The following CYP27C1 variants were observed in gnomAD, a reference collection of about 807,000 sequenced individuals.
CYP27C1 encodes cytochrome P450 27C1.
Under a neutral mutation model 40.6 loss-of-function variants are expected in CYP27C1, and 29 were observed. The observed-to-expected ratio is 0.71, with a 90% CI of 0.53 to 0.97. CYP27C1 has a LOEUF of 0.97. Ranked by LOEUF, CYP27C1 falls within the 50% of genes least tolerant of loss-of-function variation. CYP27C1 has a pLI of 0.00. For synonymous variants in CYP27C1, 198 were observed against 186.8 expected (o/e 1.06, Z -0.49); for missense variants, 390 against 485.8 (o/e 0.80, Z 1.85).
rs138682404 is a variant in CYP27C1, at chr2:127,193,795, C to T, written c.1287G>A (p.Pro429=). The change falls in exon 7 of 9, where the codon CCG becomes CCA. Residue 429 remains proline, a synonymous_variant. Coordinates refer to ENST00000664447, the MANE Select transcript of CYP27C1 (RefSeq NM_001367502.1). ...EDLVIGGYLI[P]KGTQLALCHY... is the part of the protein sequence containing the mutation. ...CCCATGGCCCCAAACTCACGCCTTT[C>T]GGAATCAGATACCCGCCAATAACCA... 5.4e-3 allele frequency: 8,641 copies of T among 1,614,174 alleles called. 28 individuals carry two copies. Among genetic ancestry groups the T allele is most frequent in the Non-Finnish European group, 6.4e-3 (7,605 of 1,180,036 alleles).
intron 1 of CYP27C1, among the ~76,000 whole-genome samples, chr2:127,210,087 A>G (rs1489620095): frequency 2.6e-5 from 4 of 152,208 alleles, no homozygotes; most frequent in African/African-American, 9.7e-5. Context: ...GGTTGAAATG[A>G]AGGAAAAACT....
chr2:127,187,254 A>T lies in CYP27C1; in HGVS notation c.*17T>A. ...GCGAGCTGGTCTGCTACATCAGCCC[A>T]GGTTTAAAATCTAGGCTTACTTTCT... is the stretch of plus-strand genomic sequence containing the variant. On this transcript the variant is annotated 3_prime_UTR_variant, in exon 9 of 9. Coordinates refer to ENST00000664447, the MANE Select transcript of CYP27C1 (RefSeq NM_001367502.1). The T allele has an allele frequency of 1.2e-6, 2 of 1,604,188 alleles. No homozygotes were observed. Among genetic ancestry groups the T allele is most frequent in the Non-Finnish European group, 1.7e-6 (2 of 1,171,038 alleles).
At chr2:127,202,935 A>G (rs563594562) in intron 3 of CYP27C1, among the ~76,000 whole-genome samples, 26 of 151,998 alleles carry the variant, frequency 1.7e-4, no homozygotes, top group African/African-American at 4.3e-4. Context: ...TTGGGAGGCC[A>G]AGGCGGGCGA....
chr2:127,203,568 C>T lies in CYP27C1; in HGVS notation c.477G>A (p.Glu159=), dbSNP rs776397413. The change falls in exon 3 of 9, where the codon GAG becomes GAA. Residue 159 remains glutamate (E), a synonymous_variant. Transcript: ENST00000664447. ...RGRATGLISA[E]GEQWLKMRSV... ...TTCTCATCTTGAGCCACTGTTCACCCTCCCTAGAAGAATCAAGTGAGTTTC... is the reference window on the plus strand; with the variant it reads ...TTCTCATCTTGAGCCACTGTTCACCTTCCCTAGAAGAATCAAGTGAGTTTC... 1.2e-6 allele frequency: 2 copies of T among 1,613,030 alleles called. No homozygotes were observed. Among genetic ancestry groups the T allele is most frequent in the Admixed American group, 1.7e-5 (1 of 59,798 alleles).
In CYP27C1 at chr2:127,205,991, G is replaced by A. The variant is rs539067847; in HGVS notation, c.382C>T (p.Arg128Trp). ...ADRDMVAQVL[R>W]AEGAAPQRAN... The stretch of plus-strand genomic sequence containing the variant: ...CTCTGGGGCGCAGCGCCCTCCGCCC[G>A]GAGCACCTGAGCCACCATATCGCGG... Residue 128 changes from arginine (R) to tryptophan (W), a missense_variant, in exon 2 of 9, where the codon CGG becomes TGG. Coordinates refer to ENST00000664447, the MANE Select transcript of CYP27C1 (RefSeq NM_001367502.1). 1.3e-5 allele frequency among the ~76,000 whole-genome samples: 2 copies of A among 152,338 alleles called. No individual in the cohort carries two copies. Among genetic ancestry groups the A allele is most frequent in the South Asian group, 4.1e-4 (2 of 4,830 alleles).
rs147953391 is a variant in CYP27C1 at position 127,195,431 on chromosome 2, C to A, written c.1118G>T (p.Arg373Leu). The A allele has an allele frequency of 1.1e-5, 18 of 1,614,138 alleles. No homozygotes were observed. The Middle Eastern group carries it at 6.6e-4, about 59-fold the overall frequency. Residue 373 changes from arginine to leucine, a missense_variant, in exon 6 of 9, where the codon CGG becomes CTG. Physicochemically the swap from Arg to Leu is moderately radical, Grantham distance 102. Transcript: ENST00000664447. This position sits in a 1 kb window ranked among gnomAD's most constrained non-coding sequence, Gnocchi z 6.2. Reference sequence around the variant, plus strand: ...TTCCCCTAAATTCTTCACAATCTCCCGGTACACCGTCTGCTGCACTTCTGG... The same window carrying A: ...TTCCCCTAAATTCTTCACAATCTCCAGGTACACCGTCTGCTGCACTTCTGG... ...RHPEVQQTVYREIVKNLGERH... is the reference protein window; with the variant it reads ...RHPEVQQTVYLEIVKNLGERH...
chr2:127,205,587 T>C, intron 2 of CYP27C1: 1 of 740,288 alleles, frequency 1.4e-6, no homozygotes, highest in Non-Finnish European at 1.6e-6. Flanking sequence ...CGCTGTGAGT[T>C]TTGTCTGCCT....
At chr2:127,217,327 C>G (rs1005809367) in intron 1 of CYP27C1, among the ~76,000 whole-genome samples, 2 of 152,126 alleles carry the variant, frequency 1.3e-5, no homozygotes, top group Non-Finnish European at 2.9e-5. Context: ...AGTTTCCTCA[C>G]CCAAAAAATG....
chr2:127,217,212 A>G (rs1287482256), intron 1 of CYP27C1, among the ~76,000 whole-genome samples: 2 of 152,210 alleles, frequency 1.3e-5, no homozygotes, highest in Admixed American at 6.5e-5. Flanking sequence ...CAGGCACAGT[A>G]CTTAGAGTTT....
At position 127,218,013 on chromosome 2, in the gene CYP27C1, C is replaced by T. The variant is rs1276832060; in HGVS notation, c.282+1976G>A. On this transcript the variant is annotated intron_variant, in intron 1 of 8. Transcript: ENST00000664447. This position sits in a 1 kb window ranked among gnomAD's most constrained non-coding sequence, Gnocchi z 6.0. ...CTTTTTCCTTTATTTCTTTTACTCT[C>T]CAGGTCCTGTGTGCGCTTGGTGAGA... 6.6e-6 allele frequency among the ~76,000 whole-genome samples: 1 copy of T among 152,136 alleles called. No homozygotes were observed. Among genetic ancestry groups the T allele is most frequent in the African/African-American group, 2.4e-5 (1 of 41,432 alleles).
chr2:127,189,322 G>A lies in CYP27C1; in HGVS notation c.1498-1935C>T, dbSNP rs537872507. On this transcript the variant is annotated intron_variant, in intron 8 of 8. Transcript: ENST00000664447. The stretch of plus-strand genomic sequence containing the variant: ...AAAGCTGTCCCTTTCCTTCCCAGTA[G>A]CCTTCAGGCATGTTCCTGTACTGTT... 1.2e-4 allele frequency among the ~76,000 whole-genome samples: 19 copies of A among 152,120 alleles called. 1 individual carries two copies. Among genetic ancestry groups the A allele is most frequent in the African/African-American group, 4.6e-4 (19 of 41,488 alleles).
At chr2:127,191,859 C>T (rs922716214) in intron 8 of CYP27C1, among the ~76,000 whole-genome samples, 1 of 152,224 alleles carries the variant, frequency 6.6e-6, no homozygotes, top group African/African-American at 2.4e-5. Context: ...GGGATGGCCA[C>T]TTGGTCCCAC....
chr2:127,206,660 G>A (rs1683234982), intron 1 of CYP27C1, among the ~76,000 whole-genome samples: 1 of 152,158 alleles, frequency 6.6e-6, no homozygotes, highest in Non-Finnish European at 1.5e-5. Flanking sequence ...AGCAACAAGA[G>A]AGAAATGTCA....
rs1464943339 is a variant in CYP27C1, at chr2:127,195,876, C to G, written c.1048-375G>C. ...TGTGTGACCTTCTTTGCAGGGCTTG[C>G]TCGGTGTGTGCCAGAAAGGGCCTCA... On this transcript the variant is annotated intron_variant, in intron 5 of 8. Coordinates refer to ENST00000664447, the MANE Select transcript of CYP27C1 (RefSeq NM_001367502.1). The surrounding 1 kb of genome is among the most constrained non-coding windows in gnomAD (Gnocchi z 6.2). 6.6e-6 allele frequency among the ~76,000 whole-genome samples: 1 copy of G among 152,074 alleles called. No individual in the cohort carries two copies. The highest frequency in any genetic ancestry group is 2.4e-5 in the African/African-American group (1 of 41,400).
At position 127,201,434 on chromosome 2, in the gene CYP27C1, T is replaced by C; in HGVS notation, c.674-103A>G. ...AACTTTCAAACGTGGTCCAGGTGCC[T>C]TTCATGAATGAGGCATCGTCCCTCT... On this transcript the variant is annotated intron_variant, in intron 3 of 8. Transcript: ENST00000664447. This position sits in a 1 kb window ranked among gnomAD's most constrained non-coding sequence, Gnocchi z 6.0. 1 of 1,094,026 alleles carries C rather than the reference T, an allele frequency of 9.1e-7. No homozygotes were observed. Among genetic ancestry groups the C allele is most frequent in the Non-Finnish European group, 1.3e-6 (1 of 758,678 alleles). 67.8% of individuals were successfully genotyped at this position (1,094,026 alleles called of 1,614,324 possible). A position where few individuals can be genotyped will look rare whatever the true frequency, so the allele number is the denominator to read the frequency against.
chr2:127,189,791 C>T (rs1682723120), intron 8 of CYP27C1, among the ~76,000 whole-genome samples: 1 of 152,210 alleles, frequency 6.6e-6, no homozygotes. Flanking sequence ...ACCATCCTTG[C>T]ATTCCTGAAT....
rs1336063008 is a variant in CYP27C1, at chr2:127,183,916, C to T, written c.*3355G>A. On this transcript the variant is annotated 3_prime_UTR_variant, in exon 9 of 9. Transcript: ENST00000664447. The surrounding 1 kb of genome is among the most constrained non-coding windows in gnomAD (Gnocchi z 5.1). ...CATAATGTCATGAGCCCCCACTCAC[C>T]ACCCTGCTTCCACAGTTAACAACAT... Among the ~76,000 whole-genome samples the T allele has an allele frequency of 6.6e-6, 1 of 152,140 alleles. No individual in the cohort carries two copies. Among genetic ancestry groups the T allele is most frequent in the African/African-American group, 2.4e-5 (1 of 41,396 alleles).
intron 8 of CYP27C1, 120 bp downstream of exon 8, chr2:127,192,974 C>T (rs1212005136): frequency 7.7e-6 from 10 of 1,299,628 alleles, no homozygotes; most frequent in African/African-American, 1.5e-5. Flanking sequence ...CAGTGCCTGA[C>T]GGCTCTTGAT....
chr2:127,214,519 G>A (rs1418121011), intron 1 of CYP27C1, among the ~76,000 whole-genome samples: 2 of 152,170 alleles, frequency 1.3e-5, no homozygotes, highest in Non-Finnish European at 2.9e-5. Flanking sequence ...GTCCTTTGCA[G>A]GGACATGGAT....
Sources: allele counts gnomAD v4.1 joint callset (sites outside exome capture counted in the v4.1 genomes callset), GRCh38; gene constraint gnomAD v4.1.1; non-coding constraint Gnocchi (gnomAD v3.1); transcripts MANE v1.5; gene names NCBI Gene and HGNC (gene_info 2026-07-23, HGNC 2026-07-21).